The following FRMD4A variants were observed in gnomAD, a reference collection of about 807,000 sequenced individuals.
The protein encoded by FRMD4A is FERM domain-containing protein 4A.
In FRMD4A, 29 loss-of-function variants were observed where a neutral mutation model predicts 129.1. The observed-to-expected ratio is 0.22, with a 90% confidence interval of 0.17 to 0.31. The LOEUF (loss-of-function observed/expected upper bound fraction) is 0.31, where lower values mean the gene tolerates loss of function less well. Among genes scored for constraint, FRMD4A ranks in the 10% least tolerant of loss-of-function variants. The pLI, the probability that FRMD4A is intolerant of heterozygous loss-of-function variation, is 1.00. For synonymous variants in FRMD4A, 634 were observed against 571.6 expected (o/e 1.11, Z -1.56); for missense variants, 1,272 against 1,375.8 (o/e 0.92, Z 1.19).
Position 13,955,901 on chromosome 10 carries a change from G to T in FRMD4A, c.46-96989C>A, listed in dbSNP as rs746434679. On this transcript the variant is annotated intron_variant, in intron 2 of 24. Transcript: ENST00000357447. ...AAGCAGTATGTATGAGGAATATTCC[G>T]GTATTTTCCAGTTTCTCCCATTCTT... Among the ~76,000 whole-genome samples, 61 of 152,170 alleles carry T rather than the reference G, an allele frequency of 4.0e-4. 1 individual carries two copies. The highest frequency in any genetic ancestry group is 6.5e-4 in the Admixed American group (10 of 15,280).
At chr10:13,950,422 G>T (rs2095363184) in intron 2 of FRMD4A, among the ~76,000 whole-genome samples, 1 of 151,808 alleles carries the variant, frequency 6.6e-6, no homozygotes, top group South Asian at 2.1e-4. Flanking sequence ...TTGATCTAGC[G>T]CTGGAGGGGA....
chr10:13,776,790 G>A (rs1396167070), intron 6 of FRMD4A, among the ~76,000 whole-genome samples: 3 of 152,176 alleles, frequency 2.0e-5, no homozygotes, highest in Non-Finnish European at 4.4e-5. Flanking sequence ...GTAAACCCAG[G>A]CATCCGGGTA....
chr10:14,330,434 G>T (rs1201074323), intron 1 of FRMD4A, among the ~76,000 whole-genome samples, 163 bp downstream of exon 1: 1 of 152,146 alleles, frequency 6.6e-6, no homozygotes, highest in African/African-American at 2.4e-5. Context: ...TTAGAACACG[G>T]AATGTTTAAC....
At chr10:13,929,542 A>G (rs2095170853) in intron 2 of FRMD4A, among the ~76,000 whole-genome samples, 1 of 152,198 alleles carries the variant, frequency 6.6e-6, no homozygotes, top group Admixed American at 6.5e-5. Flanking sequence ...TCACCTCTGG[A>G]AGGAAAATCC....
At chr10:14,326,720 C>T (rs1185716509) in intron 2 of FRMD4A, 1 of 397,388 alleles carries the variant, frequency 2.5e-6, no homozygotes, top group Non-Finnish European at 4.4e-6. Context: ...TCGGCTCTAG[C>T]ATGTTCCAGC....
intron 2 of FRMD4A, among the ~76,000 whole-genome samples, chr10:14,147,639 A>G (rs1422442752): frequency 1.3e-5 from 2 of 152,096 alleles, no homozygotes; most frequent in Non-Finnish European, 1.5e-5. Flanking sequence ...GATCCCTGGC[A>G]TGTGCAGTTC....
At chr10:13,766,869 T>C (rs1204196316) in intron 6 of FRMD4A, among the ~76,000 whole-genome samples, 1 of 152,142 alleles carries the variant, frequency 6.6e-6, no homozygotes, top group African/African-American at 2.4e-5. Flanking sequence ...GGTCAAGAGA[T>C]TGATACCATC....
chr10:14,264,408 A>G (rs1344816966), intron 2 of FRMD4A, among the ~76,000 whole-genome samples: 3 of 152,244 alleles, frequency 2.0e-5, no homozygotes, highest in African/African-American at 7.2e-5. Context: ...TCTAAAAACA[A>G]CAACAACAAC....
At position 13,657,433 on chromosome 10, in the gene FRMD4A, A is replaced by C; in HGVS notation, c.2156T>G (p.Leu719Arg). The C allele has an allele frequency of 6.2e-7, 1 of 1,612,702 alleles. No homozygotes were observed. The change falls in exon 22 of 25, where the codon CTG becomes CGG. Residue 719 changes from leucine to arginine, a missense_variant. Around this residue, in one of 2 missense-constraint regions of FRMD4A, gnomAD observed 972 missense variants for 892.3 expected, o/e 1.09. Transcript: ENST00000357447. ...SSSLESQGKL[L>R]GSENDTGSPD... The stretch of plus-strand genomic sequence containing the variant: ...GCTCCCGGTGTCGTTTTCCGAGCCC[A>C]GGAGCTTGCCCTGGGACTCCAGGCT...
intron 2 of FRMD4A, among the ~76,000 whole-genome samples, chr10:13,892,573 C>T (rs1343968674): frequency 6.6e-6 from 1 of 152,082 alleles, no homozygotes; most frequent in African/African-American, 2.4e-5. Context: ...TCAATTTGCT[C>T]TTAGACACAT....
intron 12 of FRMD4A, among the ~76,000 whole-genome samples, chr10:13,727,554 T>G (rs2135004494): frequency 6.6e-6 from 1 of 152,296 alleles, no homozygotes; most frequent in African/African-American, 2.4e-5. Flanking sequence ...TGCATCAGCT[T>G]CTCTCTCTGC....
chr10:13,760,259 C>T (rs4748054), intron 8 of FRMD4A, among the ~76,000 whole-genome samples: 106,750 of 151,942 alleles, frequency 0.7, 38,746 homozygotes, highest in East Asian at 0.96. Context: ...AAAAAAAGCT[C>T]GCCGATCCTT....
chr10:13,839,538 T>C (rs1482899155), intron 3 of FRMD4A, among the ~76,000 whole-genome samples: 1 of 152,178 alleles, frequency 6.6e-6, no homozygotes, highest in Non-Finnish European at 1.5e-5. Context: ...CCCAGTTAAG[T>C]TGGCTTTGGG....
chr10:14,175,522 CTTT>C (rs374088064), intron 2 of FRMD4A, among the ~76,000 whole-genome samples: 20 of 122,982 alleles, frequency 1.6e-4, no homozygotes, highest in Non-Finnish European at 1.5e-4. Flanking sequence ...AGTTTGCTTC[CTTT>C]TTTTTTTTTT....
intron 2 of FRMD4A, among the ~76,000 whole-genome samples, chr10:13,870,546 A>G (rs113392472): frequency 2.0e-5 from 3 of 152,274 alleles, no homozygotes; most frequent in African/African-American, 7.2e-5. Flanking sequence ...GGTGCTGGGG[A>G]CACAGGTGAC....
chr10:14,100,910 A>T (rs1837267663), intron 2 of FRMD4A, among the ~76,000 whole-genome samples: 1 of 152,172 alleles, frequency 6.6e-6, no homozygotes, highest in African/African-American at 2.4e-5. Context: ...ACTCTGTGTT[A>T]ACTTTGTACA....
chr10:14,227,240 C>CT (rs1843471857), intron 2 of FRMD4A, among the ~76,000 whole-genome samples: 3 of 93,962 alleles, frequency 3.2e-5, no homozygotes, highest in Admixed American at 1.4e-4. Flanking sequence ...TTCTCTTCTT[C>CT]TTCTTTTTTT....
At chr10:13,975,212 TTAA>T (rs910836868) in intron 2 of FRMD4A, among the ~76,000 whole-genome samples, 1 of 151,758 alleles carries the variant, frequency 6.6e-6, no homozygotes, top group Non-Finnish European at 1.5e-5. Flanking sequence ...CTATCATATG[TTAA>T]TGTGTGTGTG....
At chr10:14,063,603 A>C (rs529654580) in intron 2 of FRMD4A, among the ~76,000 whole-genome samples, 6 of 152,102 alleles carry the variant, frequency 3.9e-5, no homozygotes, top group Non-Finnish European at 7.4e-5. Flanking sequence ...AACTTTAGAC[A>C]TACTCTTTGT....
Sources: allele counts gnomAD v4.1 joint callset (sites outside exome capture counted in the v4.1 genomes callset), GRCh38; gene constraint gnomAD v4.1.1; regional missense constraint gnomAD v4.1.1; transcripts MANE v1.5; gene names NCBI Gene and HGNC (gene_info 2026-07-23, HGNC 2026-07-21).